EYA3: variants seen among roughly 807,000 people sequenced by gnomAD.
The protein encoded by EYA3 is EYA transcriptional coactivator and phosphatase 3.
A neutral mutation model predicts 80.0 loss-of-function variants in EYA3; 39 were observed. The observed-to-expected ratio is 0.49, with a 90% CI of 0.38 to 0.64. The LOEUF (loss-of-function observed/expected upper bound fraction) is 0.64, where lower values mean the gene tolerates loss of function less well. EYA3 is among the 30% of genes least tolerant of loss of function. The pLI is 0.00. For missense variants in EYA3, 523 were observed against 676.1 expected, an observed-to-expected ratio of 0.77 and a Z score of 2.51; for synonymous variants, 206 against 232.8, an observed-to-expected ratio of 0.88 and a Z score of 1.05.
intron 1 of EYA3, among the ~76,000 whole-genome samples, chr1:28,063,914 T>TG (rs940334067): frequency 1.3e-4 from 20 of 152,182 alleles, no homozygotes; most frequent in African/African-American, 4.3e-4. Context: ...TGTCCAACTT[T>TG]GGGGGGGAAG....
intron 2 of EYA3, among the ~76,000 whole-genome samples, chr1:28,048,990 G>C (rs1398811463): frequency 6.6e-6 from 1 of 152,146 alleles, no homozygotes; most frequent in Non-Finnish European, 1.5e-5. Context: ...ACAAATGAAA[G>C]ATAATGGTTA....
chr1:28,036,430 A>T lies in EYA3; in HGVS notation c.225-750T>A, dbSNP rs550092110. On this transcript the variant is annotated intron_variant, in intron 5 of 17. Transcript: ENST00000373871. Reference sequence around the variant, plus strand: ...GAACCAAACTAAAGTTCTGAGAGGGAAAGTGAGACTGGAAAAGCGGGTGAG... The same window carrying T: ...GAACCAAACTAAAGTTCTGAGAGGGTAAGTGAGACTGGAAAAGCGGGTGAG... Among the ~76,000 whole-genome samples the T allele has an allele frequency of 1.1e-3, 168 of 152,348 alleles. 1 individual carries two copies. The highest frequency in any genetic ancestry group is 2.3e-3 in the Admixed American group (35 of 15,298).
chr1:28,051,618 T>A (rs1007688644), intron 2 of EYA3, among the ~76,000 whole-genome samples: 4 of 151,856 alleles, frequency 2.6e-5, no homozygotes, highest in African/African-American at 4.8e-5. Flanking sequence ...ACCTGGGAGG[T>A]GGAGGTCGCA....
intron 6 of EYA3, among the ~76,000 whole-genome samples, chr1:28,032,969 A>G (rs751617871): frequency 1.3e-5 from 2 of 152,204 alleles, no homozygotes; most frequent in African/African-American, 2.4e-5. Context: ...CTTCTCCCCT[A>G]TAAAAAGGGA....
intron 6 of EYA3, among the ~76,000 whole-genome samples, chr1:28,033,608 ATTTAC>A (rs1643271112): frequency 6.6e-6 from 1 of 150,572 alleles, no homozygotes; most frequent in Admixed American, 6.6e-5. Context: ...ATAGAGATCT[ATTTAC>A]TTTACAGAAT....
At chr1:28,028,252 A>G (rs1314390559) in intron 6 of EYA3, among the ~76,000 whole-genome samples, 1 of 152,224 alleles carries the variant, frequency 6.6e-6, no homozygotes, top group Non-Finnish European at 1.5e-5. Flanking sequence ...TGTTATAAAG[A>G]GTGCCTGATG....
intron 1 of EYA3, among the ~76,000 whole-genome samples, chr1:28,065,052 G>A (rs985571222): frequency 6.6e-6 from 1 of 152,160 alleles, no homozygotes; most frequent in African/African-American, 2.4e-5. Context: ...TTCCAAGGGG[G>A]GGATACACTG....
chr1:27,974,481 C>T lies in EYA3; in HGVS notation c.1707G>A (p.Glu569=). 4 of 1,612,842 alleles carry T rather than the reference C, an allele frequency of 2.5e-6. No individual in the cohort carries two copies. Among genetic ancestry groups the T allele is most frequent in the Admixed American group, 3.3e-5 (2 of 59,964 alleles). The change falls in exon 18 of 18, where the codon GAG becomes GAA. Residue 569 remains glutamate, a synonymous_variant. Coordinates refer to ENST00000373871, the MANE Select transcript of EYA3 (RefSeq NM_001990.4). ...GDLVSLHQAL[E]LDFL ...ATTCCAGTTCTTAGAGAAAATCAAG[C>T]TCTAAAGCCTGGTGAAGGGATACTA...
intron 1 of EYA3, among the ~76,000 whole-genome samples, chr1:28,072,753 T>TA (rs1645059706): frequency 6.6e-6 from 1 of 152,108 alleles, no homozygotes; most frequent in South Asian, 2.1e-4. Context: ...AAAGAATACT[T>TA]ATGTTCACAT....
chr1:28,014,417 C>CAAAAA (rs1173842687), intron 8 of EYA3, among the ~76,000 whole-genome samples: 2 of 49,530 alleles, frequency 4.0e-5, no homozygotes, highest in Non-Finnish European at 8.0e-5. Flanking sequence ...CACACTGTCT[C>CAAAAA]AAAAAAAAAA....
chr1:28,016,305 G>A lies in EYA3; in HGVS notation c.585+849C>T, dbSNP rs375832530. On this transcript the variant is annotated intron_variant, in intron 8 of 17. Coordinates refer to ENST00000373871, the MANE Select transcript of EYA3 (RefSeq NM_001990.4). ...CACTTTGGGAGGCCAAGGCGGGTGC[G>A]GTTCACTCTAAGTCAGGAGTTTGAG... Among the ~76,000 whole-genome samples the A allele has an allele frequency of 1.0e-3, 156 of 152,062 alleles. 5 individuals are homozygous for A. The South Asian group carries it at 0.031, about 30-fold the overall frequency.
intron 10 of EYA3, among the ~76,000 whole-genome samples, chr1:28,006,928 C>T (rs955607854): frequency 7.6e-6 from 1 of 132,278 alleles, no homozygotes; most frequent in Non-Finnish European, 1.6e-5. Flanking sequence ...TTGCAGATGA[C>T]ATAATCTTTT....
intron 11 of EYA3, among the ~76,000 whole-genome samples, chr1:28,002,774 T>G (rs945164357): frequency 4.0e-5 from 6 of 151,876 alleles, no homozygotes; most frequent in African/African-American, 1.4e-4. Context: ...TTTGCGCCAC[T>G]GTACTCCAGC....
intron 1 of EYA3, among the ~76,000 whole-genome samples, chr1:28,076,687 G>GA (rs1262680195): frequency 6.1e-4 from 6 of 9,796 alleles, no homozygotes; most frequent in African/African-American, 2.9e-3. Flanking sequence ...AAAAAAGAAA[G>GA]AAAGAAAAGA....
chr1:28,027,881 G>C lies in EYA3; in HGVS notation c.407C>G (p.Thr136Ser). Reference sequence around the variant, plus strand: ...AACACTGTGTTGACTTGGAGATGGAGTCTGAATTAAACCACTTTCAGGTTT... The same window carrying C: ...AACACTGTGTTGACTTGGAGATGGACTCTGAATTAAACCACTTTCAGGTTT... ...GMKPESGLIQ[T>S]PSPSQHSVLT... is the part of the protein sequence containing the mutation. Residue 136 changes from threonine to serine, a missense_variant, in exon 7 of 18, where the codon ACT becomes AGT. By Grantham distance (58) the Thr-to-Ser change is moderately conservative. Coordinates refer to ENST00000373871, the MANE Select transcript of EYA3 (RefSeq NM_001990.4). 1.2e-6 allele frequency: 2 copies of C among 1,614,118 alleles called. No individual in the cohort carries two copies. Among genetic ancestry groups the C allele is most frequent in the South Asian group, 1.1e-5 (1 of 91,078 alleles).
intron 1 of EYA3, among the ~76,000 whole-genome samples, chr1:28,087,453 CTT>C (rs776058656): frequency 1.3e-5 from 2 of 152,030 alleles, no homozygotes; most frequent in Non-Finnish European, 1.5e-5. Flanking sequence ...AAATAGAAAA[CTT>C]AATACAGTAA....
intron 3 of EYA3, among the ~76,000 whole-genome samples, chr1:28,046,249 T>C (rs1644001137): frequency 6.6e-6 from 1 of 152,214 alleles, no homozygotes; most frequent in South Asian, 2.1e-4. Flanking sequence ...AAATTGTATA[T>C]TGTGTGTATT....
At chr1:28,080,323 G>T (rs578202387) in intron 1 of EYA3, among the ~76,000 whole-genome samples, 8 of 152,046 alleles carry the variant, frequency 5.3e-5, no homozygotes, top group African/African-American at 1.9e-4. Flanking sequence ...GAGGCATGGT[G>T]GCACACACCT....
chr1:28,034,292 TA>T, intron 6 of EYA3, among the ~76,000 whole-genome samples: 1 of 152,028 alleles, frequency 6.6e-6, no homozygotes, highest in Non-Finnish European at 1.5e-5. Flanking sequence ...ACAGAAGATT[TA>T]AAAAACTGTA....
Sources: gnomAD v4.1 joint callset for allele counts (sites outside exome capture counted in the v4.1 genomes callset) on GRCh38, gnomAD v4.1.1 for gene constraint, MANE v1.5 for transcripts, NCBI Gene and HGNC (gene_info 2026-07-23, HGNC 2026-07-21) for gene names.